GREB1L: variants seen among roughly 807,000 people sequenced by gnomAD.
The protein encoded by GREB1L is GREB1 like retinoic acid receptor coactivator, also known as GREB1-like protein.
A neutral mutation model predicts 200.8 loss-of-function variants in GREB1L; 17 were observed. That is an observed-to-expected ratio of 0.08 (90% CI 0.06 to 0.13). The LOEUF is 0.13. GREB1L is among the 10% of genes least tolerant of loss of function. The pLI, the probability that GREB1L is intolerant of heterozygous loss-of-function variation, is 1.00. For missense variants in GREB1L, 1,657 were observed against 2,367.7 expected (o/e 0.70, Z 6.23); for synonymous variants, 789 against 893.0 (o/e 0.88, Z 2.08).
intron 7 of GREB1L, among the ~76,000 whole-genome samples, chr18:21,437,820 A>T (rs2033643068): frequency 1.3e-5 from 2 of 152,236 alleles, no homozygotes; most frequent in Non-Finnish European, 2.9e-5. Flanking sequence ...CAATTTGAAC[A>T]AGCCAACTGT....
intron 1 of GREB1L, among the ~76,000 whole-genome samples, chr18:21,358,259 G>A (rs2039533520): frequency 6.6e-6 from 1 of 151,874 alleles, no homozygotes; most frequent in Non-Finnish European, 1.5e-5. Flanking sequence ...TTTGTGGTTA[G>A]CATATAGAAA....
At chr18:21,451,916 T>C (rs2034544832) in intron 13 of GREB1L, among the ~76,000 whole-genome samples, 167 bp from the exon 14 acceptor site, 1 of 152,230 alleles carries the variant, frequency 6.6e-6, no homozygotes, top group African/African-American at 2.4e-5. Context: ...GTTCTTGATA[T>C]AGAGACACCA....
chr18:21,471,013 A>G (rs2035462204), intron 15 of GREB1L, among the ~76,000 whole-genome samples: 1 of 152,248 alleles, frequency 6.6e-6, no homozygotes, highest in Non-Finnish European at 1.5e-5. Context: ...GGACAGAGCC[A>G]GCACCCTGCA....
At chr18:21,267,420 G>A (rs562723144) in intron 1 of GREB1L, among the ~76,000 whole-genome samples, 1 of 152,216 alleles carries the variant, frequency 6.6e-6, no homozygotes, top group Non-Finnish European at 1.5e-5. Context: ...GACCTCAGGT[G>A]ATCTACCTGC....
At chr18:21,417,847 G>C (rs1319473035) in intron 7 of GREB1L, among the ~76,000 whole-genome samples, 1 of 151,876 alleles carries the variant, frequency 6.6e-6, no homozygotes, top group Non-Finnish European at 1.5e-5. Context: ...CAGGCGGGGT[G>C]GCGGGCACCT....
At position 21,516,601 on chromosome 18, in the gene GREB1L, G is replaced by C; in HGVS notation, c.5130-12G>C. ...CCAGCGGAAGAAAACTATTGTTGTGGTTACAATTTAGGTATTTCTGTGAAG... is the reference window on the plus strand; with the variant it reads ...CCAGCGGAAGAAAACTATTGTTGTGCTTACAATTTAGGTATTTCTGTGAAG... On this transcript the variant is annotated splice_polypyrimidine_tract_variant and intron_variant, in intron 29 of 32. Transcript: ENST00000424526. 6.4e-7 allele frequency: 1 copy of C among 1,550,742 alleles called. No individual in the cohort carries two copies. The highest frequency in any genetic ancestry group is 8.7e-7 in the Non-Finnish European group (1 of 1,146,258).
intron 10 of GREB1L, 57 bp from the exon 11 acceptor site, chr18:21,444,167 C>A: frequency 7.9e-7 from 1 of 1,269,388 alleles, no homozygotes; most frequent in Admixed American, 2.5e-5. Flanking sequence ...GCAAGTGTAC[C>A]TGGTTGGACC....
chr18:21,384,504 TA>T, intron 4 of GREB1L, 101 bp downstream of exon 4: 1 of 873,886 alleles, frequency 1.1e-6, no homozygotes, highest in South Asian at 1.8e-5. Flanking sequence ...AACTAGTAAT[TA>T]TCGTATGGAG....
intron 1 of GREB1L, among the ~76,000 whole-genome samples, chr18:21,253,816 T>C (rs2037753125): frequency 6.6e-6 from 1 of 151,230 alleles, no homozygotes; most frequent in Non-Finnish European, 1.5e-5. Flanking sequence ...TTTGGTAACT[T>C]TGACTTCCAG....
At chr18:21,306,426 C>A (rs1484913210) in intron 1 of GREB1L, among the ~76,000 whole-genome samples, 1 of 152,182 alleles carries the variant, frequency 6.6e-6, no homozygotes, top group African/African-American at 2.4e-5. Context: ...GACTAGCAAT[C>A]ATAGCTTTTT....
intron 28 of GREB1L, 138 bp downstream of exon 28, chr18:21,514,124 C>CT: frequency 2.7e-6 from 2 of 731,480 alleles, no homozygotes; most frequent in Admixed American, 3.1e-5. Context: ...ACCACCCTCA[C>CT]TAGAACATTT....
intron 1 of GREB1L, among the ~76,000 whole-genome samples, chr18:21,341,264 C>G (rs2039265269): frequency 6.6e-6 from 1 of 152,154 alleles, no homozygotes; most frequent in East Asian, 1.9e-4. Flanking sequence ...AGATACCTGC[C>G]ACTTGTCTTT....
In GREB1L at chr18:21,520,698, G is replaced by A. The variant is rs1478534907; in HGVS notation, c.5483G>A (p.Cys1828Tyr). 2.6e-6 allele frequency: 4 copies of A among 1,551,514 alleles called. No individual in the cohort carries two copies. The Admixed American group carries it at 7.8e-5, about 30-fold the overall frequency. ...GCTTGATGATTTCAGGTGGCCATATGCTATATCAGCTCCAGACCCCACTCC... is the reference window on the plus strand; with the variant it reads ...GCTTGATGATTTCAGGTGGCCATATACTATATCAGCTCCAGACCCCACTCC... Reference protein sequence around the residue: ...YLNIGPEVAICYISSRPHSSN... With the variant: ...YLNIGPEVAIYYISSRPHSSN... Residue 1828 changes from cysteine to tyrosine, a missense_variant, in exon 32 of 33, where the codon TGC (cysteine) becomes TAC (tyrosine). Around this residue, in one of 9 missense-constraint regions of GREB1L, gnomAD observed 190 missense variants for 230.2 expected, o/e 0.83. Coordinates refer to ENST00000424526, the MANE Select transcript of GREB1L (RefSeq NM_001142966.3).
At chr18:21,473,324 C>T in intron 16 of GREB1L, 113 bp downstream of exon 16, 1 of 707,322 alleles carries the variant, frequency 1.4e-6, no homozygotes, top group South Asian at 3.2e-5. Context: ...AATCCCAACA[C>T]TTTGGGAGGC....
intron 1 of GREB1L, among the ~76,000 whole-genome samples, chr18:21,243,471 C>G (rs2037541204): frequency 6.6e-6 from 1 of 152,246 alleles, no homozygotes; most frequent in African/African-American, 2.4e-5. Context: ...CTGCTTTTCA[C>G]ACCGTAAGGT....
chr18:21,458,194 C>G (rs1262601749), intron 15 of GREB1L, among the ~76,000 whole-genome samples: 1 of 152,050 alleles, frequency 6.6e-6, no homozygotes, highest in Non-Finnish European at 1.5e-5. Flanking sequence ...TGGTCTCGAA[C>G]TTCCGACCTC....
chr18:21,448,549 G>A (rs76703057), intron 11 of GREB1L, among the ~76,000 whole-genome samples: 2,627 of 152,138 alleles, frequency 0.017, 71 homozygotes, highest in African/African-American at 0.058. Flanking sequence ...CTTCCATAAG[G>A]GGCTTTTAGC....
intron 7 of GREB1L, among the ~76,000 whole-genome samples, chr18:21,438,376 T>C (rs905479867): frequency 2.0e-5 from 3 of 152,112 alleles, no homozygotes; most frequent in Non-Finnish European, 4.4e-5. Flanking sequence ...TAGAAACTCA[T>C]ACATAAGACC....
chr18:21,289,400 T>G (rs1200277356), intron 1 of GREB1L, among the ~76,000 whole-genome samples: 1 of 151,864 alleles, frequency 6.6e-6, no homozygotes, highest in East Asian at 1.9e-4. Context: ...AAAAACATTT[T>G]TTTTAATTAG....
Sources: allele counts gnomAD v4.1 joint callset (sites outside exome capture counted in the v4.1 genomes callset), GRCh38; gene constraint gnomAD v4.1.1; regional missense constraint gnomAD v4.1.1; transcripts MANE v1.5; gene names NCBI Gene and HGNC (gene_info 2026-07-23, HGNC 2026-07-21).